Variants in SETDB2 observed in about 807,000 individuals in gnomAD.
SETDB2 encodes the protein histone-lysine N-methyltransferase SETDB2.
In SETDB2, 56 loss-of-function variants were observed where a neutral mutation model predicts 82.5. The ratio of observed to expected loss-of-function variants is 0.68; its 90% CI spans 0.55 to 0.85. The LOEUF is 0.85. Ranked by LOEUF, SETDB2 falls within the 40% of genes least tolerant of loss-of-function variation. The pLI, the probability that SETDB2 is intolerant of heterozygous loss-of-function variation, is 0.00. For synonymous variants in SETDB2, 272 were observed against 284.9 expected, an observed-to-expected ratio of 0.95 and a Z score of 0.46; for missense variants, 677 against 816.4, an observed-to-expected ratio of 0.83 and a Z score of 2.08.
At chr13:49,480,422 A>T in intron 7 of SETDB2, 87 bp downstream of exon 7, 2 of 774,362 alleles carry the variant, frequency 2.6e-6, no homozygotes. Flanking sequence ...TATAGATGTT[A>T]AATCTGGTTT....
At chr13:49,452,112 T>G (rs1045191465) in intron 2 of SETDB2, among the ~76,000 whole-genome samples, 1 of 129,632 alleles carries the variant, frequency 7.7e-6, no homozygotes, top group Non-Finnish European at 1.6e-5. Context: ...TTTGTAAACT[T>G]TTTTTTTTTT....
intron 5 of SETDB2, among the ~76,000 whole-genome samples, chr13:49,470,282 T>A (rs576323849): frequency 2.6e-4 from 39 of 152,302 alleles, no homozygotes; most frequent in African/African-American, 7.7e-4. Flanking sequence ...ACTTTTGAGT[T>A]GAGCATTCTG....
intron 2 of SETDB2, among the ~76,000 whole-genome samples, chr13:49,455,880 T>C (rs1490655206): frequency 1.3e-5 from 2 of 152,066 alleles, no homozygotes; most frequent in African/African-American, 4.8e-5. Flanking sequence ...GTACAAATGA[T>C]TGTAATAACT....
At chr13:49,477,692 G>A (rs569646718) in intron 6 of SETDB2, among the ~76,000 whole-genome samples, 1 of 152,210 alleles carries the variant, frequency 6.6e-6, no homozygotes. Flanking sequence ...AAACCCATGA[G>A]GTATAGGTAA....
chr13:49,489,538 T>G (rs1284906663), intron 12 of SETDB2, among the ~76,000 whole-genome samples: 1 of 150,254 alleles, frequency 6.7e-6, no homozygotes, highest in African/African-American at 2.4e-5. Flanking sequence ...TGAGAAGTAC[T>G]GTGCTCCTGT....
intron 4 of SETDB2, among the ~76,000 whole-genome samples, chr13:49,461,410 A>G (rs1207337147): frequency 6.6e-6 from 1 of 152,190 alleles, no homozygotes; most frequent in African/African-American, 2.4e-5. Flanking sequence ...CTTTGGGGGA[A>G]AAAAAGACTT....
intron 5 of SETDB2, among the ~76,000 whole-genome samples, chr13:49,474,350 T>G (rs1267968374): frequency 1.3e-5 from 2 of 152,216 alleles, no homozygotes; most frequent in African/African-American, 4.8e-5. Context: ...ATCCACCTGA[T>G]TGATGAAACT....
chr13:49,448,891 T>C (rs770440893), intron 1 of SETDB2, among the ~76,000 whole-genome samples: 17 of 152,216 alleles, frequency 1.1e-4, no homozygotes, highest in Non-Finnish European at 1.8e-4. Flanking sequence ...TTGCTTTATA[T>C]ATTTCAGAGT....
Position 49,481,864 on chromosome 13 carries a change from G to T in SETDB2, c.1156+748G>T, listed in dbSNP as rs79652173. On this transcript the variant is annotated intron_variant, in intron 8 of 13. Transcript: ENST00000611815. Reference sequence around the variant, plus strand: ...TTTAGCAGTTAGGCATCAGGGAAAAGAACAACCAGGTTCTGAAAATTACTC... The same window carrying T: ...TTTAGCAGTTAGGCATCAGGGAAAATAACAACCAGGTTCTGAAAATTACTC... Among the ~76,000 whole-genome samples the T allele has an allele frequency of 7.7e-4, 118 of 152,290 alleles. 1 individual carries two copies. In the East Asian group the frequency reaches 0.021, roughly 28 times the overall value.
At chr13:49,484,550 G>A (rs2057416) in intron 10 of SETDB2, among the ~76,000 whole-genome samples, 65,378 of 151,924 alleles carry the variant, frequency 0.43, 15,389 homozygotes, top group Middle Eastern at 0.55. Context: ...GATTAGAGGC[G>A]TGAGCCACTG....
chr13:49,487,765 T>C (rs1288830763), intron 11 of SETDB2, among the ~76,000 whole-genome samples: 1 of 152,268 alleles, frequency 6.6e-6, no homozygotes, highest in African/African-American at 2.4e-5. Context: ...AATGGTCATC[T>C]AGTAAAACAC....
At position 49,488,189 on chromosome 13, in the gene SETDB2, A is replaced by T; in HGVS notation, c.1577-101A>T. 1.4e-6 allele frequency: 2 copies of T among 1,460,776 alleles called. 1 individual carries two copies. Among genetic ancestry groups the T allele is most frequent in the Non-Finnish European group, 1.8e-6 (2 of 1,111,446 alleles). 90.5% of individuals were successfully genotyped at this position (1,460,776 alleles called of 1,614,324 possible). A position where few individuals can be genotyped will look rare whatever the true frequency, so the allele number is the denominator to read the frequency against. ...ACTACCTGCCTAACACATTGTAAGG[A>T]TCGATAATTAAAGCACCTAGCATCT... On this transcript the variant is annotated intron_variant, in intron 11 of 13. Transcript: ENST00000611815.
At chr13:49,473,263 C>A (rs1197702268) in intron 5 of SETDB2, among the ~76,000 whole-genome samples, 1 of 151,976 alleles carries the variant, frequency 6.6e-6, no homozygotes, top group Non-Finnish European at 1.5e-5. Context: ...AAAATTCATA[C>A]CCGAGGCCAG....
At chr13:49,483,608 AATTTTTTTT>A (rs1958523552) in intron 10 of SETDB2, 45 bp downstream of exon 10, 15 of 490,592 alleles carry the variant, frequency 3.1e-5, no homozygotes, top group Middle Eastern at 5.3e-4. Flanking sequence ...TTCTTTTTTA[AATTTTTTTT>A]TTTTTTTTTT....
intron 1 of SETDB2, among the ~76,000 whole-genome samples, chr13:49,448,872 C>T (rs1038962108): frequency 6.6e-6 from 1 of 152,044 alleles, no homozygotes; most frequent in Non-Finnish European, 1.5e-5. Context: ...GTGCATTTTC[C>T]TTTTAATTTT....
intron 5 of SETDB2, among the ~76,000 whole-genome samples, chr13:49,469,028 TTA>T (rs1371019897): frequency 6.6e-6 from 1 of 152,200 alleles, no homozygotes; most frequent in African/African-American, 2.4e-5. Flanking sequence ...TATTTAGATA[TTA>T]TATTTTAAAC....
rs188320537 is a variant in SETDB2 at position 49,483,380 on chromosome 13, G to A, written c.1383-84G>A. The A allele has an allele frequency of 9.7e-5, 48 of 494,970 alleles. 1 individual carries two copies. The Admixed American group carries it at 1.5e-3, about 16-fold the overall frequency. The allele number at this position is 494,970 out of a possible 1,614,324, so 30.7% of individuals were successfully genotyped here. ...ATTTATAATAATTAAGGATATTTAT[G>A]TAATAATGGATATTATCTGTACTTG... On this transcript the variant is annotated intron_variant, in intron 9 of 13. Coordinates refer to ENST00000611815, the MANE Select transcript of SETDB2 (RefSeq NM_001160308.3).
In SETDB2 at chr13:49,492,478, T is replaced by C. The variant is rs1258551466; in HGVS notation, c.*629T>C. On this transcript the variant is annotated 3_prime_UTR_variant, in exon 14 of 14. Coordinates refer to ENST00000611815, the MANE Select transcript of SETDB2 (RefSeq NM_001160308.3). ...CTGGCAAGCTCTTTGAAATGAGTCT[T>C]CTTTCCCACAGATTTTCTCTACTCT... 6.6e-6 allele frequency: 1 copy of C among 152,532 alleles called. No individual in the cohort carries two copies. The highest frequency in any genetic ancestry group is 6.5e-5 in the Admixed American group (1 of 15,290). 9.4% of individuals were successfully genotyped at this position (152,532 alleles called of 1,614,324 possible).
chr13:49,451,832 A>G lies in SETDB2; in HGVS notation c.-62A>G. 3 of 1,331,780 alleles carry G rather than the reference A, an allele frequency of 2.3e-6. No individual in the cohort carries two copies. Among genetic ancestry groups the G allele is most frequent in the Non-Finnish European group, 2.1e-6 (2 of 941,734 alleles). The allele number at this position is 1,331,780 out of a possible 1,614,324, so 82.5% of individuals were successfully genotyped here. ...CAGTTGGATTCCAGTGATATTCTGC[A>G]ATCAAAGTGATTTGATAAACCTAAT... On this transcript the variant is annotated 5_prime_UTR_variant, in exon 2 of 14. Transcript: ENST00000611815.
Sources: gnomAD v4.1 joint callset for allele counts (sites outside exome capture counted in the v4.1 genomes callset) on GRCh38, gnomAD v4.1.1 for gene constraint, MANE v1.5 for transcripts, NCBI Gene and HGNC (gene_info 2026-07-23, HGNC 2026-07-21) for gene names.